DOCK4: variants seen among roughly 807,000 people sequenced by gnomAD.
DOCK4 encodes dedicator of cytokinesis protein 4.
A neutral mutation model predicts 268.1 loss-of-function variants in DOCK4; 97 were observed. The ratio of observed to expected loss-of-function variants is 0.36; its 90% CI spans 0.31 to 0.43. DOCK4 has a LOEUF of 0.43. Ranked by LOEUF, DOCK4 falls within the 20% of genes least tolerant of loss-of-function variation. The pLI is 1.00. For synonymous variants in DOCK4, 954 were observed against 887.2 expected, an observed-to-expected ratio of 1.08 and a Z score of -1.34; for missense variants, 2,145 against 2,455.7, an observed-to-expected ratio of 0.87 and a Z score of 2.67.
chr7:111,775,889 A>G (rs2133714646), intron 36 of DOCK4, among the ~76,000 whole-genome samples: 1 of 152,292 alleles, frequency 6.6e-6, no homozygotes, highest in Non-Finnish European at 1.5e-5. Flanking sequence ...CTATATAGCC[A>G]GAGTACTAGG....
chr7:111,881,011 G>A (rs774952909), intron 16 of DOCK4, among the ~76,000 whole-genome samples: 4 of 152,084 alleles, frequency 2.6e-5, no homozygotes, highest in South Asian at 2.1e-4. Context: ...CCAGGACAGC[G>A]GTCTGGGCAA....
chr7:112,116,454 T>TAAC (rs1812182595), intron 1 of DOCK4, among the ~76,000 whole-genome samples: 1 of 152,208 alleles, frequency 6.6e-6, no homozygotes, highest in African/African-American at 2.4e-5. Context: ...ATGCTCACCT[T>TAAC]ACGATCATAC....
chr7:112,151,630 A>T (rs1816085007), intron 1 of DOCK4, among the ~76,000 whole-genome samples: 1 of 152,108 alleles, frequency 6.6e-6, no homozygotes, highest in South Asian at 2.1e-4. Context: ...TACTGAGGTT[A>T]AATCTGGCAA....
At chr7:111,927,488 G>C (rs1376120484) in intron 12 of DOCK4, among the ~76,000 whole-genome samples, 1 of 152,166 alleles carries the variant, frequency 6.6e-6, no homozygotes, top group East Asian at 1.9e-4. Context: ...CTCCACATTT[G>C]GTAGGAGTGA....
At chr7:111,825,488 G>T (rs2133983646) in intron 26 of DOCK4, among the ~76,000 whole-genome samples, 1 of 152,214 alleles carries the variant, frequency 6.6e-6, no homozygotes, top group African/African-American at 2.4e-5. Flanking sequence ...GATAGATGTG[G>T]TTATTTTGCA....
chr7:111,802,607 T>G (rs1021698222), intron 30 of DOCK4, among the ~76,000 whole-genome samples: 1 of 152,218 alleles, frequency 6.6e-6, no homozygotes, highest in South Asian at 2.1e-4. Flanking sequence ...CTTTAGTCTT[T>G]CCGGAGCCTG....
At chr7:112,168,817 T>C (rs1245553931) in intron 1 of DOCK4, among the ~76,000 whole-genome samples, 3 of 152,166 alleles carry the variant, frequency 2.0e-5, no homozygotes, top group African/African-American at 7.2e-5. Context: ...TATTTGTCAA[T>C]CACTGAAGGG....
At chr7:112,201,249 G>T (rs974921656) in intron 1 of DOCK4, among the ~76,000 whole-genome samples, 1 of 151,972 alleles carries the variant, frequency 6.6e-6, no homozygotes, top group East Asian at 1.9e-4. Flanking sequence ...ACATAGAAGG[G>T]GCTTTAAAAA....
chr7:111,894,454 G>A (rs148145056), intron 16 of DOCK4, among the ~76,000 whole-genome samples: 121 of 152,280 alleles, frequency 7.9e-4, no homozygotes, highest in Middle Eastern at 3.4e-3. Context: ...ACAGTGTGAT[G>A]AGAACAATGG....
At chr7:112,170,294 T>A (rs11768647) in intron 1 of DOCK4, among the ~76,000 whole-genome samples, 15,126 of 151,508 alleles carry the variant, frequency 0.1, 926 homozygotes, top group South Asian at 0.14. Context: ...CTACAAAAAA[T>A]TTAAAAATAA....
At chr7:112,162,683 T>C (rs138113780) in intron 1 of DOCK4, among the ~76,000 whole-genome samples, 194 of 152,266 alleles carry the variant, frequency 1.3e-3, no homozygotes, top group Non-Finnish European at 2.2e-3. Flanking sequence ...GGAGGGTTTT[T>C]ATCACTTTCA....
intron 1 of DOCK4, among the ~76,000 whole-genome samples, chr7:112,071,868 G>A (rs955744914): frequency 6.6e-6 from 1 of 152,122 alleles, no homozygotes; most frequent in Non-Finnish European, 1.5e-5. Context: ...GTCAAAGGAA[G>A]GGTAAAGAAT....
chr7:112,018,179 A>AAAAAAAAAAAAAAAAACAAC lies in DOCK4; in HGVS notation c.38-14049_38-14048insGTTGTTTTTTTTTTTTTTTT. Among the ~76,000 whole-genome samples the AAAAAAAAAAAAAAAAACAAC allele has an allele frequency of 1.8e-4, 13 of 72,630 alleles. 1 individual carries two copies. Among genetic ancestry groups the AAAAAAAAAAAAAAAAACAAC allele is most frequent in the East Asian group, 8.1e-4 (2 of 2,480 alleles). 47.6% of individuals were successfully genotyped at this position (72,630 alleles called of 152,430 possible). A position where few individuals can be genotyped will look rare whatever the true frequency, so the allele number is the denominator to read the frequency against. Reference sequence around the variant, plus strand: ...AAAAAAAAAAAAAAAAAAAAAAAAAAACACAGGCAACCAGTATTCATGTGG... The same window carrying AAAAAAAAAAAAAAAAACAAC: ...AAAAAAAAAAAAAAAAAAAAAAAAAAAAAAAAAAAAAAAAAACAACACACAGGCAACCAGTATTCATGTGG... On this transcript the variant is annotated intron_variant, in intron 1 of 52. Coordinates refer to ENST00000428084, the MANE Select transcript of DOCK4 (RefSeq NM_001363540.2).
At chr7:111,746,960 T>C (rs1008156885) in intron 43 of DOCK4, among the ~76,000 whole-genome samples, 37 of 152,078 alleles carry the variant, frequency 2.4e-4, no homozygotes, top group African/African-American at 8.9e-4. Context: ...CATGAACTTC[T>C]TTGCTTAGAG....
intron 12 of DOCK4, among the ~76,000 whole-genome samples, chr7:111,918,569 T>C (rs1362191773): frequency 6.6e-6 from 1 of 152,214 alleles, no homozygotes; most frequent in Non-Finnish European, 1.5e-5. Flanking sequence ...AGCGAACATG[T>C]GTTATGATCC....
At chr7:111,978,657 G>A (rs1295923827) in intron 7 of DOCK4, among the ~76,000 whole-genome samples, 1 of 152,156 alleles carries the variant, frequency 6.6e-6, no homozygotes, top group African/African-American at 2.4e-5. Context: ...TCTAGGTTAG[G>A]GCTCACACTG....
intron 44 of DOCK4, among the ~76,000 whole-genome samples, chr7:111,745,400 C>G (rs771582133): frequency 6.6e-6 from 1 of 152,076 alleles, no homozygotes; most frequent in Admixed American, 6.5e-5. Context: ...AAGTTGGCAT[C>G]GGCCAGGCGC....
rs905124289 is a variant in DOCK4 at position 112,193,639 on chromosome 7, C to T, written c.37+12463G>A. Among the ~76,000 whole-genome samples the T allele has an allele frequency of 4.0e-5, 6 of 151,436 alleles. 1 individual carries two copies. The highest frequency in any genetic ancestry group is 3.3e-4 in the Admixed American group (5 of 15,080). ...AAATTCTAGCTCAATTAAGTCTGTG[C>T]CTCCAGAGGTGGGCCTGCAGAGTCA... On this transcript the variant is annotated intron_variant, in intron 1 of 52. Transcript: ENST00000428084.
chr7:112,059,394 G>A (rs139233989), intron 1 of DOCK4, among the ~76,000 whole-genome samples: 5,220 of 151,782 alleles, frequency 0.034, 322 homozygotes, highest in African/African-American at 0.12. Flanking sequence ...CATCCTCCTC[G>A]GCCTCCCAAA....
Sources: gnomAD v4.1 joint callset for allele counts (sites outside exome capture counted in the v4.1 genomes callset) on GRCh38, gnomAD v4.1.1 for gene constraint, MANE v1.5 for transcripts, NCBI Gene and HGNC (gene_info 2026-07-23, HGNC 2026-07-21) for gene names.